Variants in SYT9 observed in about 807,000 individuals in gnomAD.
SYT9 encodes synaptotagmin 9.
In SYT9, 22 loss-of-function variants were observed where a neutral mutation model predicts 48.4. That is an observed-to-expected ratio of 0.45 (90% CI 0.32 to 0.65). The LOEUF (loss-of-function observed/expected upper bound fraction) is 0.65. Ranked by LOEUF, SYT9 falls within the 30% of genes least tolerant of loss-of-function variation. The pLI is 0.03. For missense variants in SYT9, 577 were observed against 622.0 expected (o/e 0.93, Z 0.77); for synonymous variants, 265 against 245.0 (o/e 1.08, Z -0.76).
rs1564892780 is a variant in SYT9, at chr11:7,407,363, T to TA, written c.1045-8679_1045-8678insA. Among the ~76,000 whole-genome samples the TA allele has an allele frequency of 3.1e-3, 85 of 27,092 alleles. 7 individuals are homozygous for TA. The highest frequency in any genetic ancestry group is 6.6e-3 in the African/African-American group (19 of 2,874). The allele number at this position is 27,092 out of a possible 152,430, so 17.8% of individuals were successfully genotyped here. A position where few individuals can be genotyped will look rare whatever the true frequency, so the allele number is the denominator to read the frequency against. On this transcript the variant is annotated intron_variant, in intron 3 of 6. Coordinates refer to ENST00000318881, the MANE Select transcript of SYT9 (RefSeq NM_175733.4). ...AGGTCTTATGTTTAAGTCTATAATT[T>TA]TTTTTTTTTTTTTTTTTTTTTTTTT... is the stretch of plus-strand genomic sequence containing the variant.
rs1289614182 is a variant in SYT9, at chr11:7,468,124, G to T, written c.*1324G>T. ...CCACACATTTGCACCACTACTCCAAGATAGTATTTTTCTTTTCACACAATC... is the reference window on the plus strand; with the variant it reads ...CCACACATTTGCACCACTACTCCAATATAGTATTTTTCTTTTCACACAATC... On this transcript the variant is annotated 3_prime_UTR_variant, in exon 7 of 7. Coordinates refer to ENST00000318881, the MANE Select transcript of SYT9 (RefSeq NM_175733.4). The T allele has an allele frequency of 2.5e-6, 1 of 395,964 alleles. No homozygotes were observed. Among genetic ancestry groups the T allele is most frequent in the African/African-American group, 2.1e-5 (1 of 48,556 alleles). 24.5% of individuals were successfully genotyped at this position (395,964 alleles called of 1,614,324 possible).
intron 3 of SYT9, among the ~76,000 whole-genome samples, chr11:7,318,573 C>T (rs1197319372): frequency 6.6e-6 from 1 of 152,192 alleles, no homozygotes; most frequent in East Asian, 1.9e-4. Flanking sequence ...CTTGGCTTCC[C>T]AAAGTGCTGG....
chr11:7,440,016 C>A, intron 6 of SYT9: 1 of 152,184 alleles, frequency 6.6e-6, no homozygotes, highest in East Asian at 1.9e-4. Context: ...GAATCCATTT[C>A]TATTATTGTT....
At chr11:7,339,720 G>T (rs1849683803) in intron 3 of SYT9, among the ~76,000 whole-genome samples, 1 of 152,118 alleles carries the variant, frequency 6.6e-6, no homozygotes, top group Non-Finnish European at 1.5e-5. Flanking sequence ...CTGCTGAGAA[G>T]TCTGTTGTTA....
intron 3 of SYT9, among the ~76,000 whole-genome samples, chr11:7,362,897 T>G (rs562993375): frequency 6.6e-6 from 1 of 151,248 alleles, no homozygotes. Flanking sequence ...TGCTTTCTAG[T>G]TAATATGTTA....
intron 3 of SYT9, among the ~76,000 whole-genome samples, chr11:7,393,281 C>T (rs1250854843): frequency 8.3e-6 from 1 of 119,900 alleles, no homozygotes; most frequent in Admixed American, 1.0e-4. Flanking sequence ...CCTTCAATGC[C>T]TAGTTTGTTG....
chr11:7,418,146 C>CT lies in SYT9; in HGVS notation c.1337+22dup. ...TATGACCGGTGAGATACCTGGAACT[C>CT]TTTTCCAGTGCAAGTTCACTGTGCC... is the stretch of plus-strand genomic sequence containing the variant. On this transcript the variant is annotated intron_variant, in intron 5 of 6. Coordinates refer to ENST00000318881, the MANE Select transcript of SYT9 (RefSeq NM_175733.4). 6.2e-7 allele frequency: 1 copy of CT among 1,610,770 alleles called. No individual in the cohort carries two copies. The highest frequency in any genetic ancestry group is 8.5e-7 in the Non-Finnish European group (1 of 1,178,590).
At chr11:7,428,570 C>T (rs1396878913) in intron 6 of SYT9, among the ~76,000 whole-genome samples, 2 of 152,214 alleles carry the variant, frequency 1.3e-5, no homozygotes, top group African/African-American at 4.8e-5. Flanking sequence ...GCAGAGGACA[C>T]TCAGGAAGCC....
intron 6 of SYT9, among the ~76,000 whole-genome samples, chr11:7,452,329 C>T (rs2134149775): frequency 6.6e-6 from 1 of 152,322 alleles, no homozygotes; most frequent in East Asian, 1.9e-4. Context: ...ACTCCTGATT[C>T]TGTTCCCTGC....
intron 6 of SYT9, among the ~76,000 whole-genome samples, chr11:7,431,996 C>G (rs1028922869): frequency 6.6e-6 from 1 of 152,176 alleles, no homozygotes; most frequent in South Asian, 2.1e-4. Context: ...ACACAGAGTC[C>G]CCACAGGGGC....
In SYT9 at chr11:7,331,907, T is replaced by G. The variant is rs758778063; in HGVS notation, c.1044+17966T>G. 3.5e-4 allele frequency among the ~76,000 whole-genome samples: 53 copies of G among 152,152 alleles called. 1 individual carries two copies. Among genetic ancestry groups the G allele is most frequent in the African/African-American group, 1.3e-3 (52 of 41,434 alleles). On this transcript the variant is annotated intron_variant, in intron 3 of 6. Transcript: ENST00000318881. ...CTACCACACTAGAATAGTTGATCCTTGAAGAGGAAGTCTGTAACTATATTC... is the reference window on the plus strand; with the variant it reads ...CTACCACACTAGAATAGTTGATCCTGGAAGAGGAAGTCTGTAACTATATTC...
At chr11:7,316,835 C>A (rs902150637) in intron 3 of SYT9, among the ~76,000 whole-genome samples, 24 of 152,200 alleles carry the variant, frequency 1.6e-4, no homozygotes, top group African/African-American at 5.3e-4. Flanking sequence ...TGCATGTATG[C>A]AAAATGATAT....
At chr11:7,361,001 AT>A (rs1456578841) in intron 3 of SYT9, among the ~76,000 whole-genome samples, 4 of 152,232 alleles carry the variant, frequency 2.6e-5, no homozygotes, top group Admixed American at 2.0e-4. Context: ...TGGTCATAGT[AT>A]TCTCTAACAT....
intron 5 of SYT9, among the ~76,000 whole-genome samples, chr11:7,420,047 T>C (rs1418573080): frequency 6.6e-6 from 1 of 152,126 alleles, no homozygotes; most frequent in Admixed American, 6.5e-5. Context: ...AGCAGGAAGA[T>C]CCATAAGCCT....
intron 6 of SYT9, among the ~76,000 whole-genome samples, chr11:7,460,586 T>C (rs11041397): frequency 0.33 from 50,629 of 151,784 alleles, 9,876 homozygotes; most frequent in African/African-American, 0.54. Context: ...AGCATTTCAA[T>C]ATCTTAAAAA....
At chr11:7,375,122 C>T (rs1005715680) in intron 3 of SYT9, among the ~76,000 whole-genome samples, 1 of 152,162 alleles carries the variant, frequency 6.6e-6, no homozygotes, top group Non-Finnish European at 1.5e-5. Flanking sequence ...GGTCCAGTCT[C>T]AGTTTTCTGC....
At chr11:7,423,543 G>A (rs115083955) in intron 6 of SYT9, among the ~76,000 whole-genome samples, 5 of 152,176 alleles carry the variant, frequency 3.3e-5, no homozygotes, top group Non-Finnish European at 7.3e-5. Context: ...GGGATGGTGA[G>A]GATTAAACAA....
At chr11:7,421,576 C>G (rs1847354431) in intron 6 of SYT9, among the ~76,000 whole-genome samples, 1 of 152,140 alleles carries the variant, frequency 6.6e-6, no homozygotes, top group African/African-American at 2.4e-5. Flanking sequence ...ATCATTCTGC[C>G]ACTCACATCC....
chr11:7,357,073 G>C (rs1312129475), intron 3 of SYT9, among the ~76,000 whole-genome samples: 1 of 152,180 alleles, frequency 6.6e-6, no homozygotes, highest in African/African-American at 2.4e-5. Context: ...AGCATTTATG[G>C]TGAGGCTAAG....
Sources: allele counts gnomAD v4.1 joint callset (sites outside exome capture counted in the v4.1 genomes callset), GRCh38; gene constraint gnomAD v4.1.1; transcripts MANE v1.5; gene names NCBI Gene and HGNC (gene_info 2026-07-23, HGNC 2026-07-21).